The following TBXAS1 variants were observed in gnomAD, a reference collection of about 807,000 sequenced individuals.
TBXAS1 encodes the protein thromboxane-A synthase.
TBXAS1 carries 48 observed loss-of-function variants against 60.7 expected under a neutral mutation model. The ratio of observed to expected loss-of-function variants is 0.79; its 90% CI spans 0.63 to 1.01. TBXAS1 has a LOEUF of 1.01. TBXAS1 is among the 50% of genes least tolerant of loss of function. The pLI, the probability that TBXAS1 is intolerant of heterozygous loss-of-function variation, is 0.00. For synonymous variants in TBXAS1, 287 were observed against 269.7 expected (o/e 1.06, Z -0.63); for missense variants, 685 against 686.3 (o/e 1.00, Z 0.02).
intron 9 of TBXAS1, among the ~76,000 whole-genome samples, chr7:140,006,520 T>C (rs1339953741): frequency 2.6e-5 from 4 of 152,248 alleles, no homozygotes; most frequent in Non-Finnish European, 5.9e-5. Context: ...GTTTCGCCTG[T>C]TCATAGCCTT....
At chr7:139,947,974 C>A (rs1165500020) in intron 5 of TBXAS1, among the ~76,000 whole-genome samples, 1 of 151,964 alleles carries the variant, frequency 6.6e-6, no homozygotes, top group East Asian at 1.9e-4. Context: ...AAGTGATTCT[C>A]TGGCCTCAGC....
chr7:139,973,808 T>A (rs1023757614), intron 9 of TBXAS1, among the ~76,000 whole-genome samples: 10 of 152,196 alleles, frequency 6.6e-5, no homozygotes, highest in Non-Finnish European at 1.3e-4. Flanking sequence ...ATTTGATTTT[T>A]TTTTCTTTTG....
intron 1 of TBXAS1, among the ~76,000 whole-genome samples, chr7:139,865,860 G>GAAGA (rs1569503866): frequency 1.2e-4 from 13 of 108,978 alleles, no homozygotes; most frequent in African/African-American, 4.6e-4. Context: ...AGGAGGGAGG[G>GAAGA]AGGAAGGAAG....
intron 3 of TBXAS1, among the ~76,000 whole-genome samples, chr7:139,893,325 GACACACACACACACACACAC>G (rs71170920): frequency 3.6e-5 from 5 of 139,976 alleles, no homozygotes; most frequent in Admixed American, 1.4e-4. Flanking sequence ...CTATGGAATA[GACACACACACACACACACAC>G]ACACACACAC....
chr7:139,814,185 C>T (rs1379117796), intron 4 of TBXAS1, among the ~76,000 whole-genome samples: 4 of 152,228 alleles, frequency 2.6e-5, no homozygotes, highest in Non-Finnish European at 5.9e-5. Flanking sequence ...TATCGACCCT[C>T]AGCTCACTTC....
At chr7:140,005,028 C>A (rs1426882265) in intron 9 of TBXAS1, among the ~76,000 whole-genome samples, 1 of 152,178 alleles carries the variant, frequency 6.6e-6, no homozygotes, top group Non-Finnish European at 1.5e-5. Flanking sequence ...TAGGTCAGGG[C>A]AGAAAGGGGG....
chr7:139,818,712 A>C (rs997760740), intron 4 of TBXAS1, among the ~76,000 whole-genome samples: 1 of 152,178 alleles, frequency 6.6e-6, no homozygotes, highest in Admixed American at 6.5e-5. Context: ...TACATTGTTC[A>C]TTGGAGTGTG....
chr7:139,815,524 T>A (rs1450277165), intron 4 of TBXAS1, among the ~76,000 whole-genome samples: 1 of 152,238 alleles, frequency 6.6e-6, no homozygotes. Context: ...TTAGTTTACC[T>A]TGGCAATACC....
At chr7:139,985,773 G>A (rs564768567) in intron 9 of TBXAS1, among the ~76,000 whole-genome samples, 2 of 152,332 alleles carry the variant, frequency 1.3e-5, no homozygotes, top group East Asian at 1.9e-4. Flanking sequence ...ATCCCCCAAT[G>A]TCCAGCACGG....
At chr7:139,831,769 T>TA (rs1798717110) in intron 1 of TBXAS1, among the ~76,000 whole-genome samples, 1 of 152,102 alleles carries the variant, frequency 6.6e-6, no homozygotes, top group Non-Finnish European at 1.5e-5. Flanking sequence ...CCATCTCTAC[T>TA]AAAAATACAA....
intron 5 of TBXAS1, among the ~76,000 whole-genome samples, chr7:139,940,508 T>G (rs1444490690): frequency 6.6e-6 from 1 of 152,166 alleles, no homozygotes; most frequent in Non-Finnish European, 1.5e-5. Flanking sequence ...CCTGGAAAGA[T>G]TCTGCTGAGA....
chr7:140,002,289 C>A (rs185112958), intron 9 of TBXAS1, among the ~76,000 whole-genome samples: 16 of 152,340 alleles, frequency 1.1e-4, no homozygotes, highest in African/African-American at 3.6e-4. Flanking sequence ...ATCCAAGGTG[C>A]CCGCTGAGGA....
intron 1 of TBXAS1, among the ~76,000 whole-genome samples, chr7:139,865,896 G>A (rs1179311599): frequency 1.4e-5 from 2 of 141,636 alleles, no homozygotes; most frequent in South Asian, 2.3e-4. Context: ...GGAGGAAGGA[G>A]GGAGGGAGGA....
At chr7:139,963,817 T>C (rs1030758142) in intron 9 of TBXAS1, among the ~76,000 whole-genome samples, 5 of 152,208 alleles carry the variant, frequency 3.3e-5, no homozygotes, top group Non-Finnish European at 7.4e-5. Flanking sequence ...AGCTCAGGAA[T>C]AGATGTGGCT....
chr7:139,974,893 T>C (rs1811457118), intron 9 of TBXAS1, among the ~76,000 whole-genome samples: 1 of 152,186 alleles, frequency 6.6e-6, no homozygotes, highest in African/African-American at 2.4e-5. Context: ...ACCATCCCCA[T>C]TTCATCAGTG....
At chr7:139,940,007 G>A (rs1390982415) in intron 5 of TBXAS1, among the ~76,000 whole-genome samples, 4 of 152,220 alleles carry the variant, frequency 2.6e-5, no homozygotes, top group African/African-American at 9.6e-5. Context: ...CGGAATCAAT[G>A]GCACCAGTGG....
chr7:139,887,846 A>G (rs191367328), intron 3 of TBXAS1, among the ~76,000 whole-genome samples: 1 of 152,328 alleles, frequency 6.6e-6, no homozygotes, highest in East Asian at 1.9e-4. Flanking sequence ...GAAGACCGTC[A>G]TACTGTTTTC....
At chr7:140,002,921 C>T (rs1000860505) in intron 9 of TBXAS1, among the ~76,000 whole-genome samples, 7 of 151,802 alleles carry the variant, frequency 4.6e-5, no homozygotes, top group South Asian at 2.1e-4. Context: ...GTCAGGAGTT[C>T]GAGACCAGCC....
At chr7:139,827,391 A>G (rs370686425), upstream of TBXAS1, among the ~76,000 whole-genome samples, 16 of 152,324 alleles carry the variant, frequency 1.1e-4, no homozygotes, top group South Asian at 1.9e-3. Context: ...GCAGATAGTT[A>G]GTTGGTGAGT....
Sources: gnomAD v4.1 joint callset for allele counts (sites outside exome capture counted in the v4.1 genomes callset) on GRCh38, gnomAD v4.1.1 for gene constraint, MANE v1.5 for transcripts, NCBI Gene and HGNC (gene_info 2026-07-23, HGNC 2026-07-21) for gene names.